CCDC92B: variants seen among roughly 807,000 people sequenced by gnomAD.
CCDC92B encodes the protein coiled-coil domain-containing 92B.
In CCDC92B, 2 loss-of-function variants were observed where a neutral mutation model predicts 5.6. The ratio of observed to expected loss-of-function variants is 0.36; its 90% confidence interval spans 0.15 to 1.12. The LOEUF (loss-of-function observed/expected upper bound fraction) is 1.12, where lower values mean the gene tolerates loss of function less well. Ranked by LOEUF, CCDC92B falls within the 50% of genes most tolerant of loss-of-function variation. The pLI, the probability that CCDC92B is intolerant of heterozygous loss-of-function variation, is 0.40. For synonymous variants in CCDC92B, 115 were observed against 122.3 expected, an observed-to-expected ratio of 0.94 and a Z score of 0.39; for missense variants, 271 against 262.2, an observed-to-expected ratio of 1.03 and a Z score of -0.23.
chr17:2,745,110 A>T (rs899660946), intron 1 of CCDC92B, among the ~76,000 whole-genome samples: 6 of 151,576 alleles, frequency 4.0e-5, no homozygotes, highest in African/African-American at 9.7e-5. Context: ...AAAACATAAT[A>T]ATACACTGGT....
At chr17:2,745,848 G>A (rs546941784) in intron 1 of CCDC92B, among the ~76,000 whole-genome samples, 2 of 152,194 alleles carry the variant, frequency 1.3e-5, no homozygotes, top group East Asian at 1.9e-4. Context: ...ACACACTCGG[G>A]GAAGAGGTCA....
chr17:2,743,408 G>A (rs1597246154), intron 1 of CCDC92B, among the ~76,000 whole-genome samples: 1 of 152,224 alleles, frequency 6.6e-6, no homozygotes, highest in Non-Finnish European at 1.5e-5. Flanking sequence ...TCCAGCCTGG[G>A]TGACAGAGCG....
chr17:2,739,835 T>C (rs1288071340), intron 1 of CCDC92B, among the ~76,000 whole-genome samples: 1 of 152,096 alleles, frequency 6.6e-6, no homozygotes, highest in African/African-American at 2.4e-5. Flanking sequence ...ATTCCTGTCT[T>C]GATTTGCTCA....
intron 3 of CCDC92B, among the ~76,000 whole-genome samples, chr17:2,728,584 C>A (rs1193315348): frequency 6.8e-6 from 1 of 146,616 alleles, no homozygotes; most frequent in East Asian, 2.0e-4. Context: ...GCCTGGGCGA[C>A]AGAGCGAGAC....
At chr17:2,730,314 G>C in intron 3 of CCDC92B, 132 bp downstream of exon 3, 1 of 346,262 alleles carries the variant, frequency 2.9e-6, no homozygotes, top group Non-Finnish European at 4.1e-6. Flanking sequence ...CCTGCACTCT[G>C]CTCACCAGCC....
intron 3 of CCDC92B, among the ~76,000 whole-genome samples, chr17:2,725,421 C>T (rs943940468): frequency 1.3e-5 from 2 of 151,676 alleles, no homozygotes; most frequent in Non-Finnish European, 2.9e-5. Flanking sequence ...AGCCCCACTC[C>T]TCCCCACGTC....
At chr17:2,735,217 T>G in intron 1 of CCDC92B, 49 bp from the exon 2 acceptor site, 2 of 983,166 alleles carry the variant, frequency 2.0e-6, no homozygotes, top group Non-Finnish European at 2.4e-6. Context: ...CCATCTGCGC[T>G]GCCCCACCCT....
Position 2,724,225 on chromosome 17 carries a change from C to T in CCDC92B, c.*186G>A, listed in dbSNP as rs900632067. On this transcript the variant is annotated 3_prime_UTR_variant, in exon 4 of 4. Transcript: ENST00000614400. The surrounding 1 kb of genome is among the most constrained non-coding windows in gnomAD (Gnocchi z 5.0). Reference sequence around the variant, plus strand: ...TCTCGCGCGAGGAGAGGGCTCGAAGCTTTGGAAACGTCGGGAAGTACAAAA... The same window carrying T: ...TCTCGCGCGAGGAGAGGGCTCGAAGTTTTGGAAACGTCGGGAAGTACAAAA... 9 of 985,270 alleles carry T rather than the reference C, an allele frequency of 9.1e-6. No individual in the cohort carries two copies. In the Admixed American group the frequency reaches 1.8e-4, roughly 20 times the overall value. 61.0% of individuals were successfully genotyped at this position (985,270 alleles called of 1,614,324 possible).
rs900767784 is a variant in CCDC92B, at chr17:2,724,351, G to C, written c.*60C>G. On this transcript the variant is annotated 3_prime_UTR_variant, in exon 4 of 4. Transcript: ENST00000614400. The surrounding 1 kb of genome is among the most constrained non-coding windows in gnomAD (Gnocchi z 5.0). ...GACCCGGGACCTGCCTGCGGGGACC[G>C]AGCTGCGTCCCTGGCCGGCCCTCCC... 1 of 985,148 alleles carries C rather than the reference G, an allele frequency of 1.0e-6. No individual in the cohort carries two copies. Among genetic ancestry groups the C allele is most frequent in the Middle Eastern group, 5.2e-4 (1 of 1,912 alleles). The allele number at this position is 985,148 out of a possible 1,614,324, so 61.0% of individuals were successfully genotyped here. A position where few individuals can be genotyped will look rare whatever the true frequency, so the allele number is the denominator to read the frequency against.
Position 2,724,460 on chromosome 17 carries a change from C to T in CCDC92B, c.719G>A (p.Gly240Asp), listed in dbSNP as rs1390018047. ...GGGCTGGCTGGGCGCGGGCTGCGGG[C>T]CGGCTCGGTCCGGGGGCTCCTGGGG... ...PPPQEPPDRA[G>D]PQPAPSQPSA... Residue 240 changes from glycine (G) to aspartate (D), a missense_variant, in exon 4 of 4, where the codon GGC (glycine) becomes GAC (aspartate). By Grantham distance (94) the Gly-to-Asp change is moderately conservative (BLOSUM62 -1). Transcript: ENST00000614400. This position sits in a 1 kb window ranked among gnomAD's most constrained non-coding sequence, Gnocchi z 5.0. 8 of 983,350 alleles carry T rather than the reference C, an allele frequency of 8.1e-6. No individual in the cohort carries two copies. In the East Asian group the frequency reaches 9.2e-4, roughly 113 times the overall value. The allele number at this position is 983,350 out of a possible 1,614,324, so 60.9% of individuals were successfully genotyped here.
intron 2 of CCDC92B, among the ~76,000 whole-genome samples, chr17:2,731,169 C>T (rs922948067): frequency 2.0e-5 from 3 of 152,118 alleles, no homozygotes; most frequent in Non-Finnish European, 2.9e-5. Flanking sequence ...GGGGGTGGAG[C>T]GGGCAGCCTA....
chr17:2,736,235 T>G (rs1597240888), intron 1 of CCDC92B, among the ~76,000 whole-genome samples: 1 of 152,092 alleles, frequency 6.6e-6, no homozygotes, highest in East Asian at 1.9e-4. Flanking sequence ...AAGACCAGCC[T>G]TTCCAACATG....
chr17:2,733,671 G>A (rs2070823118), intron 2 of CCDC92B, among the ~76,000 whole-genome samples: 1 of 150,098 alleles, frequency 6.7e-6, no homozygotes, highest in Non-Finnish European at 1.5e-5. Flanking sequence ...ATCTTCAGGG[G>A]AGATTAGAAT....
chr17:2,744,528 T>C (rs1012692826), intron 1 of CCDC92B, among the ~76,000 whole-genome samples: 2 of 152,122 alleles, frequency 1.3e-5, no homozygotes, highest in Non-Finnish European at 2.9e-5. Context: ...TCCTGCCAGA[T>C]TGTTAGCAAC....
intron 3 of CCDC92B, among the ~76,000 whole-genome samples, chr17:2,728,602 C>CA (rs56095711): frequency 0.59 from 81,028 of 138,248 alleles, 23,244 homozygotes; most frequent in Admixed American, 0.67. Context: ...GACTCCGTCT[C>CA]AAAAAAAAAA....
At chr17:2,732,869 C>T (rs548267767) in intron 2 of CCDC92B, among the ~76,000 whole-genome samples, 67 of 151,510 alleles carry the variant, frequency 4.4e-4, no homozygotes, top group Admixed American at 1.5e-3. Context: ...AAAAATTAGC[C>T]GGGCGTGTTG....
chr17:2,739,325 C>T (rs2070897976), intron 1 of CCDC92B, among the ~76,000 whole-genome samples: 1 of 151,322 alleles, frequency 6.6e-6, no homozygotes, highest in Admixed American at 6.6e-5. Context: ...TGAGATCGCG[C>T]CATTGCACTC....
chr17:2,734,426 G>A (rs2097065266), intron 2 of CCDC92B, among the ~76,000 whole-genome samples: 1 of 151,900 alleles, frequency 6.6e-6, no homozygotes, highest in Admixed American at 6.6e-5. Flanking sequence ...GCTTGGTGAA[G>A]AGTGACTCGG....
In CCDC92B at chr17:2,722,112, C is replaced by G. The variant is rs1198605325; in HGVS notation, c.*2299G>C. ...GACCTAACAAAGTCACCCTGTTCAC[C>G]CCAAAAGTGTGGTCGTGGGAGATGA... On this transcript the variant is annotated 3_prime_UTR_variant, in exon 4 of 4. Transcript: ENST00000614400. 2 of 152,128 alleles carry G rather than the reference C, an allele frequency of 1.3e-5. No homozygotes were observed. The highest frequency in any genetic ancestry group is 4.8e-5 in the African/African-American group (2 of 41,372). 9.4% of individuals were successfully genotyped at this position (152,128 alleles called of 1,614,324 possible). A position where few individuals can be genotyped will look rare whatever the true frequency, so the allele number is the denominator to read the frequency against.
Sources: gnomAD v4.1 joint callset for allele counts (sites outside exome capture counted in the v4.1 genomes callset) on GRCh38, gnomAD v4.1.1 for gene constraint, Gnocchi (gnomAD v3.1) non-coding constraint, MANE v1.5 for transcripts, NCBI Gene and HGNC (gene_info 2026-07-23, HGNC 2026-07-21) for gene names.